The following GLT1D1 variants were observed in gnomAD, a reference collection of about 807,000 sequenced individuals.
The protein encoded by GLT1D1 is glycosyltransferase 1 domain containing 1.
GLT1D1 carries 21 observed loss-of-function variants against 28.7 expected under a neutral mutation model. The ratio of observed to expected loss-of-function variants is 0.73; its 90% CI spans 0.52 to 1.05. The LOEUF is 1.05. Among genes scored for constraint, GLT1D1 ranks in the 50% least tolerant of loss-of-function variants. The pLI is 0.00. For missense variants in GLT1D1, 343 were observed against 330.6 expected, an observed-to-expected ratio of 1.04 and a Z score of -0.29; for synonymous variants, 147 against 124.8, an observed-to-expected ratio of 1.18 and a Z score of -1.19.
intron 6 of GLT1D1, among the ~76,000 whole-genome samples, chr12:128,956,372 G>A (rs981343774): frequency 6.6e-6 from 1 of 151,916 alleles, no homozygotes; most frequent in South Asian, 2.1e-4. Flanking sequence ...GATATTATTG[G>A]ATACTGTACT....
At chr12:128,951,600 C>T (rs1340340652) in intron 6 of GLT1D1, among the ~76,000 whole-genome samples, 3 of 152,124 alleles carry the variant, frequency 2.0e-5, no homozygotes, top group South Asian at 2.1e-4. Flanking sequence ...GGCTCTGAAC[C>T]GCTTTCCGTC....
At chr12:128,973,949 GT>G (rs58738428) in intron 7 of GLT1D1, among the ~76,000 whole-genome samples, 16,246 of 84,504 alleles carry the variant, frequency 0.19, 1,281 homozygotes, top group Admixed American at 0.28. Flanking sequence ...GTGTGTGTGT[GT>G]GGGGGGGGCG....
At chr12:128,912,191 T>A (rs1024509266) in intron 4 of GLT1D1, among the ~76,000 whole-genome samples, 3 of 152,210 alleles carry the variant, frequency 2.0e-5, no homozygotes. Flanking sequence ...ACTTTTTGTG[T>A]GTGTGCTTCT....
intron 7 of GLT1D1, among the ~76,000 whole-genome samples, chr12:128,959,468 G>A (rs1366627796): frequency 1.1e-5 from 1 of 90,420 alleles, no homozygotes; most frequent in Admixed American, 1.3e-4. Flanking sequence ...TGGTGGGGGG[G>A]CAGCAAGGGA....
intron 2 of GLT1D1, among the ~76,000 whole-genome samples, chr12:128,880,320 A>G (rs73438374): frequency 0.019 from 2,931 of 152,056 alleles, 98 homozygotes; most frequent in African/African-American, 0.066. Context: ...CCTATTGCCC[A>G]GAGGAAAAAA....
At chr12:128,891,118 ATTT>A (rs1252143351) in intron 3 of GLT1D1, among the ~76,000 whole-genome samples, 1 of 151,498 alleles carries the variant, frequency 6.6e-6, no homozygotes, top group Admixed American at 6.6e-5. Context: ...AAAAAAAAAA[ATTT>A]AATTAATTAA....
chr12:128,929,648 G>C (rs996378984), intron 4 of GLT1D1, among the ~76,000 whole-genome samples: 2 of 152,200 alleles, frequency 1.3e-5, no homozygotes, highest in Non-Finnish European at 2.9e-5. Context: ...CCTGGAAAGG[G>C]CCACAAAAGG....
At chr12:128,903,694 C>A (rs74386038) in intron 4 of GLT1D1, among the ~76,000 whole-genome samples, 2,505 of 151,496 alleles carry the variant, frequency 0.017, 178 homozygotes, top group Admixed American at 0.11. Flanking sequence ...TGATTAGGAA[C>A]GACTCCTCCT....
At position 128,939,843 on chromosome 12, in the gene GLT1D1, C is replaced by CCA. The variant is rs796920689; in HGVS notation, c.376-5482_376-5481insAC. On this transcript the variant is annotated intron_variant, in intron 4 of 7. Transcript: ENST00000281703. ...TGTTGCCAAATTGTTAGAAACCCCC[C>CCA]CCCACCGCCGATCCAATCACCTCCT... is the stretch of plus-strand genomic sequence containing the variant. Among the ~76,000 whole-genome samples, 10 of 145,430 alleles carry CCA rather than the reference C, an allele frequency of 6.9e-5. 1 individual carries two copies. Among genetic ancestry groups the CCA allele is most frequent in the Non-Finnish European group, 1.2e-4 (8 of 66,244 alleles).
At chr12:128,878,333 C>T (rs774507595) in intron 2 of GLT1D1, among the ~76,000 whole-genome samples, 3 of 152,232 alleles carry the variant, frequency 2.0e-5, no homozygotes, top group Non-Finnish European at 4.4e-5. Context: ...ATACATAGAT[C>T]TGTCTCATCC....
intron 3 of GLT1D1, among the ~76,000 whole-genome samples, chr12:128,892,862 T>A (rs750391747): frequency 5.3e-5 from 8 of 152,178 alleles, no homozygotes; most frequent in Non-Finnish European, 1.2e-4. Context: ...AAGTACTTGA[T>A]AATTACATTA....
rs533412616 is a variant in GLT1D1 at position 128,913,280 on chromosome 12, C to T, written c.375+13993C>T. On this transcript the variant is annotated intron_variant, in intron 4 of 7. Coordinates refer to ENST00000281703, the MANE Select transcript of GLT1D1 (RefSeq NM_144669.3). Reference sequence around the variant, plus strand: ...TGTCGCCCAGGCTGGAGTGCAGTGGCGCAATCTTGGTTCACGTCAACCTCC... The same window carrying T: ...TGTCGCCCAGGCTGGAGTGCAGTGGTGCAATCTTGGTTCACGTCAACCTCC... 5.9e-5 allele frequency among the ~76,000 whole-genome samples: 9 copies of T among 152,196 alleles called. No individual in the cohort carries two copies. The South Asian group carries it at 1.2e-3, about 21-fold the overall frequency.
intron 4 of GLT1D1, among the ~76,000 whole-genome samples, chr12:128,920,383 G>T (rs1204344889): frequency 6.6e-6 from 1 of 152,100 alleles, no homozygotes; most frequent in Non-Finnish European, 1.5e-5. Context: ...GTGAAGTCCT[G>T]TCTCTATTAA....
chr12:128,855,197 C>T (rs1381903818), intron 1 of GLT1D1, among the ~76,000 whole-genome samples: 1 of 141,858 alleles, frequency 7.0e-6, no homozygotes, highest in Non-Finnish European at 1.5e-5. Context: ...TGCACTCTAG[C>T]CTGGGTGACA....
At chr12:128,934,320 A>G (rs1483336273) in intron 4 of GLT1D1, among the ~76,000 whole-genome samples, 1 of 150,856 alleles carries the variant, frequency 6.6e-6, no homozygotes, top group Admixed American at 6.6e-5. Context: ...TCTCCTTCCA[A>G]GTAGCTGGGA....
At chr12:128,924,977 G>A (rs942625105) in intron 4 of GLT1D1, among the ~76,000 whole-genome samples, 2 of 152,032 alleles carry the variant, frequency 1.3e-5, no homozygotes, top group Admixed American at 1.3e-4. Context: ...CAGTCTTAGT[G>A]ACAGCTTCCA....
At chr12:128,855,713 A>G (rs904259261) in intron 1 of GLT1D1, among the ~76,000 whole-genome samples, 1 of 150,986 alleles carries the variant, frequency 6.6e-6, no homozygotes, top group Non-Finnish European at 1.5e-5. Context: ...TGGCTACTCC[A>G]TAGACAGAGC....
chr12:128,912,425 C>T (rs1012962006), intron 4 of GLT1D1: 31 of 1,524,640 alleles, frequency 2.0e-5, no homozygotes, highest in Middle Eastern at 1.7e-4. Flanking sequence ...TTTCAAAAGC[C>T]GCATGCTAAG....
chr12:128,900,625 G>A (rs1459105286), intron 4 of GLT1D1, among the ~76,000 whole-genome samples: 1 of 150,526 alleles, frequency 6.6e-6, no homozygotes, highest in East Asian at 2.0e-4. Context: ...CAGTTTTATT[G>A]TAATACCAAA....
Sources: allele counts gnomAD v4.1 joint callset (sites outside exome capture counted in the v4.1 genomes callset), GRCh38; gene constraint gnomAD v4.1.1; transcripts MANE v1.5; gene names NCBI Gene and HGNC (gene_info 2026-07-23, HGNC 2026-07-21).